F11R: variants seen among roughly 807,000 people sequenced by gnomAD.
F11R encodes F11 receptor.
A neutral mutation model predicts 39.3 loss-of-function variants in F11R; 27 were observed. The observed-to-expected ratio is 0.69, with a 90% CI of 0.51 to 0.95. F11R has a LOEUF of 0.95. F11R is among the 40% of genes least tolerant of loss of function. The pLI is 0.00. For synonymous variants in F11R, 131 were observed against 144.9 expected (o/e 0.90, Z 0.69); for missense variants, 335 against 372.7 (o/e 0.90, Z 0.83).
chr1:161,017,985 A>G (rs926879852), intron 1 of F11R, among the ~76,000 whole-genome samples: 1 of 152,178 alleles, frequency 6.6e-6, no homozygotes, highest in Non-Finnish European at 1.5e-5. Context: ...AGGGCAGGGG[A>G]GCAAATGCCA....
At chr1:161,001,416 G>A (rs1648484685) in intron 1 of F11R, 63 bp from the exon 2 acceptor site, 2 of 1,434,802 alleles carry the variant, frequency 1.4e-6, no homozygotes. Context: ...GGAAGAAGGA[G>A]TCACAGACCC....
chr1:161,002,347 T>A (rs553748430), intron 1 of F11R, among the ~76,000 whole-genome samples: 1 of 150,840 alleles, frequency 6.6e-6, no homozygotes, highest in Non-Finnish European at 1.5e-5. Flanking sequence ...CATTAGAATA[T>A]TCTACTTGCC....
chr1:161,001,237 G>A (rs1314542730), intron 2 of F11R, 48 bp downstream of exon 2: 29 of 1,604,474 alleles, frequency 1.8e-5, no homozygotes, highest in Non-Finnish European at 2.5e-5. Context: ...TCCCCAGGCG[G>A]CCGGCAACTG....
intron 1 of F11R, among the ~76,000 whole-genome samples, chr1:161,008,213 C>T (rs1265932087): frequency 1.3e-5 from 2 of 152,108 alleles, no homozygotes; most frequent in Admixed American, 6.6e-5. Context: ...GTCCATTCTC[C>T]AGCCAGGCAC....
chr1:161,013,527 G>A (rs1411107024), intron 1 of F11R, among the ~76,000 whole-genome samples: 1 of 152,146 alleles, frequency 6.6e-6, no homozygotes. Context: ...ACTCCCATAA[G>A]GGTTGGCCTC....
Position 161,021,104 on chromosome 1 carries a change from G to A in F11R, c.-31C>T, listed in dbSNP as rs1649743069. ...TCAGGCTCCCGACACAACAGCCGCC[G>A]AAGGACTCCTGGGAACAGACACAGC... On this transcript the variant is annotated 5_prime_UTR_variant, in exon 1 of 10. Transcript: ENST00000368026. 2 of 1,596,902 alleles carry A rather than the reference G, an allele frequency of 1.3e-6. No individual in the cohort carries two copies. The highest frequency in any genetic ancestry group is 8.6e-7 in the Non-Finnish European group (1 of 1,165,524).
chr1:161,012,660 C>T (rs1649234829), intron 1 of F11R, among the ~76,000 whole-genome samples: 1 of 149,234 alleles, frequency 6.7e-6, no homozygotes, highest in East Asian at 2.0e-4. Flanking sequence ...TTTTTGCTCT[C>T]GTCACCCAGG....
Position 161,021,138 on chromosome 1 carries a change from T to C in F11R, c.-65A>G. 6.8e-7 allele frequency: 1 copy of C among 1,470,970 alleles called. No individual in the cohort carries two copies. The highest frequency in any genetic ancestry group is 9.5e-7 in the Non-Finnish European group (1 of 1,056,180). The allele number at this position is 1,470,970 out of a possible 1,614,324, so 91.1% of individuals were successfully genotyped here. A position where few individuals can be genotyped will look rare whatever the true frequency, so the allele number is the denominator to read the frequency against. On this transcript the variant is annotated 5_prime_UTR_variant, in exon 1 of 10. Transcript: ENST00000368026. ...CTGGGAACAGACACAGCTCCGCGAC[T>C]ACAGCGAGGGGACTGAGAGCCAGCC...
At chr1:161,009,831 C>A (rs1649029853) in intron 1 of F11R, among the ~76,000 whole-genome samples, 1 of 151,966 alleles carries the variant, frequency 6.6e-6, no homozygotes, top group South Asian at 2.1e-4. Flanking sequence ...TACCTGTAGT[C>A]CCAGCTACTT....
At chr1:160,999,256 A>G in intron 8 of F11R, 140 bp downstream of exon 8, 1 of 1,432,442 alleles carries the variant, frequency 7.0e-7, no homozygotes, top group Non-Finnish European at 9.9e-7. Flanking sequence ...GGCCACAGAG[A>G]AAGGGCTGGA....
chr1:161,012,223 A>C (rs1472963165), intron 1 of F11R, among the ~76,000 whole-genome samples: 1 of 152,236 alleles, frequency 6.6e-6, no homozygotes, highest in Non-Finnish European at 1.5e-5. Flanking sequence ...GTGAAGGGTC[A>C]GGTCAGACCC....
chr1:161,020,043 A>G (rs983564344), intron 1 of F11R, among the ~76,000 whole-genome samples: 2 of 152,130 alleles, frequency 1.3e-5, no homozygotes, highest in African/African-American at 4.8e-5. Flanking sequence ...ACACATACTG[A>G]CACAACTACT....
At chr1:161,005,963 A>AC (rs1371749027) in intron 1 of F11R, among the ~76,000 whole-genome samples, 2 of 151,860 alleles carry the variant, frequency 1.3e-5, no homozygotes, top group African/African-American at 4.8e-5. Context: ...ATATGGCGAA[A>AC]CCCCATCTCT....
At chr1:161,016,526 G>A (rs1207552903) in intron 1 of F11R, among the ~76,000 whole-genome samples, 3 of 152,060 alleles carry the variant, frequency 2.0e-5, no homozygotes, top group Non-Finnish European at 2.9e-5. Flanking sequence ...GCGTGGTGGC[G>A]CGTGCCTGTA....
In F11R at chr1:160,995,555, C is replaced by T. The variant is rs1289406344; in HGVS notation, c.*3316G>A. ...GATCATGAGGTCAAGGGATCGAGAT[C>T]ATCCTGGCCAACATGGTGAAACCCC... is the stretch of plus-strand genomic sequence containing the variant. On this transcript the variant is annotated 3_prime_UTR_variant, in exon 10 of 10. Transcript: ENST00000368026. 1 of 152,238 alleles carries T rather than the reference C, an allele frequency of 6.6e-6. No individual in the cohort carries two copies. Among genetic ancestry groups the T allele is most frequent in the East Asian group, 1.9e-4 (1 of 5,190 alleles). 9.4% of individuals were successfully genotyped at this position (152,238 alleles called of 1,614,324 possible). A position where few individuals can be genotyped will look rare whatever the true frequency, so the allele number is the denominator to read the frequency against.
intron 1 of F11R, among the ~76,000 whole-genome samples, chr1:161,005,096 G>C (rs1245078349): frequency 3.3e-5 from 5 of 151,392 alleles, no homozygotes. Context: ...GGAGGTGGAG[G>C]CTGAAGTGAG....
chr1:160,999,180 G>T, intron 8 of F11R, 89 bp from the exon 9 acceptor site: 1 of 1,572,650 alleles, frequency 6.4e-7, no homozygotes, highest in Non-Finnish European at 8.7e-7. Context: ...AAGCGAGAAT[G>T]CTACAGAAGC....
chr1:161,000,240 C>A lies in F11R; in HGVS notation c.497G>T (p.Trp166Leu). The A allele has an allele frequency of 6.2e-7, 1 of 1,614,150 alleles. No homozygotes were observed. Among genetic ancestry groups the A allele is most frequent in the South Asian group, 1.1e-5 (1 of 91,078 alleles). Reference sequence around the variant, plus strand: ...AGGCATCACTATCCCATCTTTGAACCAGGTGTATTCAGAAGGTGGGGAACC... The same window carrying A: ...AGGCATCACTATCCCATCTTTGAACAAGGTGTATTCAGAAGGTGGGGAACC... ...QDGSPPSEYT[W>L]FKDGIVMPTN... The change falls in exon 5 of 10, where the codon TGG (tryptophan) becomes TTG (leucine). Residue 166 changes from tryptophan (W) to leucine (L), a missense_variant. Coordinates refer to ENST00000368026, the MANE Select transcript of F11R (RefSeq NM_016946.6).
At chr1:161,000,977 C>A in intron 3 of F11R, 43 bp downstream of exon 3, 1 of 1,559,772 alleles carries the variant, frequency 6.4e-7, no homozygotes. Flanking sequence ...CATGATAATC[C>A]CTCCACAACC....
Sources: gnomAD v4.1 joint callset for allele counts (sites outside exome capture counted in the v4.1 genomes callset) on GRCh38, gnomAD v4.1.1 for gene constraint, MANE v1.5 for transcripts, NCBI Gene and HGNC (gene_info 2026-07-23, HGNC 2026-07-21) for gene names.